NTRK2: variants seen among roughly 807,000 people sequenced by gnomAD.
NTRK2 encodes the protein neurotrophic receptor tyrosine kinase 2, also known as BDNF/NT-3 growth factors receptor.
A neutral mutation model predicts 94.5 loss-of-function variants in NTRK2; 13 were observed. That is an observed-to-expected ratio of 0.14 (90% CI 0.09 to 0.22). NTRK2 has a LOEUF of 0.22. NTRK2 is among the 10% of genes least tolerant of loss of function. The pLI, the probability that NTRK2 is intolerant of heterozygous loss-of-function variation, is 1.00. For synonymous variants in NTRK2, 372 were observed against 407.4 expected (o/e 0.91, Z 1.05); for missense variants, 639 against 1,071.2 (o/e 0.60, Z 5.63).
chr9:84,721,228 T>G (rs931010735), intron 6 of NTRK2, among the ~76,000 whole-genome samples: 1 of 151,682 alleles, frequency 6.6e-6, no homozygotes, highest in Non-Finnish European at 1.5e-5. Flanking sequence ...CAGGCTGAAG[T>G]GCAATGGCGC....
At chr9:84,798,546 C>G (rs931156228) in intron 12 of NTRK2, among the ~76,000 whole-genome samples, 10 of 152,152 alleles carry the variant, frequency 6.6e-5, no homozygotes, top group African/African-American at 2.4e-4. Flanking sequence ...GTTACTTAAC[C>G]TCTCAGAAAC....
At chr9:84,759,106 T>G (rs1407588873) in intron 12 of NTRK2, among the ~76,000 whole-genome samples, 3 of 152,196 alleles carry the variant, frequency 2.0e-5, no homozygotes, top group Non-Finnish European at 4.4e-5. Context: ...GAAAAGACAT[T>G]CAGTTGAAAG....
Position 84,875,393 on chromosome 9 carries a change from G to A in NTRK2, c.1633+7962G>A, listed in dbSNP as rs200477540. 1.8e-5 allele frequency: 19 copies of A among 1,061,414 alleles called. No individual in the cohort carries two copies. In the Admixed American group the frequency reaches 2.1e-4, roughly 12 times the overall value. The allele number at this position is 1,061,414 out of a possible 1,614,324, so 65.7% of individuals were successfully genotyped here. Reference sequence around the variant, plus strand: ...AGAGCACATGAGGCCTGTGTTATGCGCTGGAAAGACTCAGGAAATGAGAGG... The same window carrying A: ...AGAGCACATGAGGCCTGTGTTATGCACTGGAAAGACTCAGGAAATGAGAGG... On this transcript the variant is annotated intron_variant, in intron 14 of 18. Transcript: ENST00000277120.
intron 14 of NTRK2, chr9:84,872,088 G>A (rs2075886782): frequency 1.5e-6 from 2 of 1,346,868 alleles, no homozygotes; most frequent in South Asian, 1.6e-5. Context: ...AGATGGAGCT[G>A]AGGAGCTCAG....
chr9:84,736,311 G>A (rs74929045), intron 9 of NTRK2, among the ~76,000 whole-genome samples: 2,761 of 152,266 alleles, frequency 0.018, 81 homozygotes, highest in African/African-American at 0.063. Flanking sequence ...CGAAATGCGC[G>A]TCAGGAACAA....
chr9:84,926,120 T>TC (rs1564470768), intron 14 of NTRK2, among the ~76,000 whole-genome samples: 2 of 42,150 alleles, frequency 4.7e-5, no homozygotes, highest in African/African-American at 1.4e-4. Context: ...CTTCCTTCCT[T>TC]CCTTCCTTCC....
chr9:84,981,073 C>T (rs987540540), intron 17 of NTRK2, among the ~76,000 whole-genome samples: 1 of 152,092 alleles, frequency 6.6e-6, no homozygotes, highest in Non-Finnish European at 1.5e-5. Context: ...TTTTTGCTTT[C>T]AACATTTAAC....
At position 84,923,688 on chromosome 9, in the gene NTRK2, G is replaced by A. The variant is rs534616999; in HGVS notation, c.1634-10474G>A. On this transcript the variant is annotated intron_variant, in intron 14 of 18. Coordinates refer to ENST00000277120, the MANE Select transcript of NTRK2 (RefSeq NM_006180.6). ...TTCCAGCATTTTGGAAGGACGAGGC[G>A]GGCAGATCACTTGAGGTCAGAGTTG... is the stretch of plus-strand genomic sequence containing the variant. 4.6e-5 allele frequency among the ~76,000 whole-genome samples: 7 copies of A among 152,160 alleles called. No individual in the cohort carries two copies. In the South Asian group the frequency reaches 1.0e-3, roughly 23 times the overall value.
chr9:84,746,463 G>C (rs2064085025), intron 11 of NTRK2, among the ~76,000 whole-genome samples: 1 of 152,136 alleles, frequency 6.6e-6, no homozygotes, highest in African/African-American at 2.4e-5. Context: ...TCCCAGCCTT[G>C]TGTTTCCTGG....
intron 12 of NTRK2, among the ~76,000 whole-genome samples, chr9:84,784,200 GTCT>G (rs933980665): frequency 6.6e-6 from 1 of 152,144 alleles, no homozygotes; most frequent in Non-Finnish European, 1.5e-5. Flanking sequence ...AGTCTCACCT[GTCT>G]TTAAATTTTT....
At chr9:84,787,818 A>G (rs1259800927) in intron 12 of NTRK2, among the ~76,000 whole-genome samples, 2 of 152,188 alleles carry the variant, frequency 1.3e-5, no homozygotes, top group Non-Finnish European at 2.9e-5. Flanking sequence ...TATGGTGGGC[A>G]ATATAGTGTA....
chr9:84,826,112 C>A (rs537844755), intron 12 of NTRK2, among the ~76,000 whole-genome samples: 1 of 152,320 alleles, frequency 6.6e-6, no homozygotes, highest in South Asian at 2.1e-4. Context: ...AGGATGTGAA[C>A]CAGGGGCTGC....
intron 14 of NTRK2, among the ~76,000 whole-genome samples, chr9:84,926,639 C>CTGG (rs1350589468): frequency 1.3e-5 from 2 of 152,192 alleles, no homozygotes; most frequent in Non-Finnish European, 2.9e-5. Flanking sequence ...TCACCTCATC[C>CTGG]TGGTTCTTTC....
At chr9:84,697,281 C>T (rs925439220) in intron 2 of NTRK2, among the ~76,000 whole-genome samples, 12 of 152,056 alleles carry the variant, frequency 7.9e-5, no homozygotes, top group African/African-American at 2.4e-4. Context: ...GAGGCAAGTG[C>T]GGGGACATGG....
At chr9:84,705,105 C>T (rs1261087005) in intron 4 of NTRK2, among the ~76,000 whole-genome samples, 1 of 152,004 alleles carries the variant, frequency 6.6e-6, no homozygotes, top group Non-Finnish European at 1.5e-5. Context: ...TCTGAGTTTC[C>T]CCAGCAATAT....
At chr9:84,774,902 A>G (rs2066886060) in intron 12 of NTRK2, among the ~76,000 whole-genome samples, 3 of 152,220 alleles carry the variant, frequency 2.0e-5, no homozygotes, top group African/African-American at 7.2e-5. Flanking sequence ...TAGGAAGGAA[A>G]AAAGAAGACA....
intron 12 of NTRK2, among the ~76,000 whole-genome samples, chr9:84,778,579 A>G (rs1356036100): frequency 2.0e-5 from 3 of 152,208 alleles, no homozygotes; most frequent in Non-Finnish European, 2.9e-5. Flanking sequence ...GTGCCTCTTC[A>G]AGAGACTTAC....
intron 17 of NTRK2, among the ~76,000 whole-genome samples, chr9:84,958,916 G>T (rs1342340875): frequency 6.6e-6 from 1 of 152,092 alleles, no homozygotes; most frequent in Non-Finnish European, 1.5e-5. Context: ...AGAAGCTGTT[G>T]ATCTGTTTTA....
intron 12 of NTRK2, among the ~76,000 whole-genome samples, chr9:84,839,599 G>C (rs1299820306): frequency 1.3e-5 from 2 of 152,200 alleles, no homozygotes; most frequent in Non-Finnish European, 2.9e-5. Flanking sequence ...TATTTATGGA[G>C]CGCGTACAGG....
Sources: allele counts gnomAD v4.1 joint callset (sites outside exome capture counted in the v4.1 genomes callset), GRCh38; gene constraint gnomAD v4.1.1; transcripts MANE v1.5; gene names NCBI Gene and HGNC (gene_info 2026-07-23, HGNC 2026-07-21).